LRFN2: variants seen among roughly 807,000 people sequenced by gnomAD.
LRFN2 encodes leucine-rich repeat and fibronectin type-III domain-containing protein 2.
Under a neutral mutation model 37.3 loss-of-function variants are expected in LRFN2, and 18 were observed. The observed-to-expected ratio is 0.48, with a 90% CI of 0.33 to 0.72. The LOEUF is 0.72. Ranked by LOEUF, LRFN2 falls within the 30% of genes least tolerant of loss-of-function variation. LRFN2 has a pLI of 0.02. For synonymous variants in LRFN2, 556 were observed against 466.6 expected (o/e 1.19, Z -2.47); for missense variants, 1,006 against 1,060.7 (o/e 0.95, Z 0.72).
chr6:40,586,021 G>A (rs1561917322), intron 1 of LRFN2, among the ~76,000 whole-genome samples: 2 of 152,164 alleles, frequency 1.3e-5, no homozygotes, highest in Non-Finnish European at 2.9e-5. Context: ...TTTGGCAACA[G>A]TCTGGCTCAG....
intron 1 of LRFN2, among the ~76,000 whole-genome samples, chr6:40,510,422 T>C (rs1290159223): frequency 1.3e-5 from 2 of 152,236 alleles, no homozygotes; most frequent in Non-Finnish European, 2.9e-5. Context: ...GTCTTTTTCC[T>C]GGTTCATGAA....
At chr6:40,402,804 A>G (rs1278777521) in intron 2 of LRFN2, among the ~76,000 whole-genome samples, 1 of 152,208 alleles carries the variant, frequency 6.6e-6, no homozygotes, top group Non-Finnish European at 1.5e-5. Flanking sequence ...CTGGGCTCAC[A>G]TAGCTAATTA....
intron 1 of LRFN2, among the ~76,000 whole-genome samples, chr6:40,538,737 C>T (rs532506023): frequency 1.4e-4 from 22 of 152,380 alleles, no homozygotes; most frequent in African/African-American, 5.0e-4. Context: ...CAGCCCCTCT[C>T]CACCTGCCCC....
rs1310268022 is a variant in LRFN2, at chr6:40,392,106, C to T, written c.2207G>A (p.Gly736Glu). ...AGGACTGTAGCCGCCCGGCACGACCCCTCCCGCCGCCGCAGCAGCAAAGTC... is the reference window on the plus strand; with the variant it reads ...AGGACTGTAGCCGCCCGGCACGACCTCTCCCGCCGCCGCAGCAGCAAAGTC... Reference protein sequence around the residue: ...MGDFAAAAAGGVVPGGYSPPR... With the variant: ...MGDFAAAAAGEVVPGGYSPPR... The change falls in exon 3 of 3, where the codon GGG (glycine) becomes GAG (glutamate). Residue 736 changes from glycine to glutamate, a missense_variant. By Grantham distance (98) the Gly-to-Glu change is moderately conservative. Coordinates refer to ENST00000338305, the MANE Select transcript of LRFN2 (RefSeq NM_020737.3). This position sits in a 1 kb window ranked among gnomAD's most constrained non-coding sequence, Gnocchi z 4.7. 1 of 1,613,112 alleles carries T rather than the reference C, an allele frequency of 6.2e-7. No individual in the cohort carries two copies. Among genetic ancestry groups the T allele is most frequent in the East Asian group, 2.2e-5 (1 of 44,852 alleles).
intron 1 of LRFN2, among the ~76,000 whole-genome samples, chr6:40,445,840 A>T (rs927466808): frequency 6.6e-6 from 1 of 152,058 alleles, no homozygotes; most frequent in East Asian, 1.9e-4. Context: ...ACCTCTCAAT[A>T]CCTCAGTTTC....
Position 40,431,855 on chromosome 6 carries a change from C to G in LRFN2, c.1259G>C (p.Ser420Thr). ...GGSGGGEPPKSPPERAVLVSE... is the reference protein window; with the variant it reads ...GGSGGGEPPKTPPERAVLVSE... ...CACAAGCACAGCCCGTTCCGGGGGG[C>G]TTTTGGGAGGCTCTCCGCCCCCACT... is the stretch of plus-strand genomic sequence containing the variant. Residue 420 changes from serine (S) to threonine (T), a missense_variant, in exon 2 of 3, where the codon AGC becomes ACC. Ser to Thr is a moderately conservative substitution (Grantham distance 58). This residue lies in a region of LRFN2 where 303 missense variants were observed against 299.8 expected (regional missense o/e 1.01). Coordinates refer to ENST00000338305, the MANE Select transcript of LRFN2 (RefSeq NM_020737.3). 3.8e-6 allele frequency: 6 copies of G among 1,590,190 alleles called. No individual in the cohort carries two copies. The highest frequency in any genetic ancestry group is 5.1e-6 in the Non-Finnish European group (6 of 1,166,646).
intron 1 of LRFN2, among the ~76,000 whole-genome samples, chr6:40,522,913 G>A (rs1442459668): frequency 1.3e-5 from 2 of 152,186 alleles, no homozygotes; most frequent in African/African-American, 4.8e-5. Context: ...TAAGGTGCAG[G>A]GCCTGCAGTG....
At chr6:40,478,364 T>C (rs1292220310) in intron 1 of LRFN2, among the ~76,000 whole-genome samples, 3 of 152,256 alleles carry the variant, frequency 2.0e-5, no homozygotes, top group Non-Finnish European at 4.4e-5. Context: ...CCACCATGGT[T>C]AATATTTGTA....
chr6:40,520,780 G>T (rs1766039076), intron 1 of LRFN2, among the ~76,000 whole-genome samples: 1 of 152,166 alleles, frequency 6.6e-6, no homozygotes, highest in South Asian at 2.1e-4. Context: ...GGCCTGGCTA[G>T]CCAGCCCCTT....
intron 2 of LRFN2, among the ~76,000 whole-genome samples, chr6:40,415,131 CAG>C (rs1182088122): frequency 6.6e-6 from 1 of 152,210 alleles, no homozygotes; most frequent in Non-Finnish European, 1.5e-5. Context: ...CTTTCTGCTC[CAG>C]AGACAGAAAA....
chr6:40,553,930 A>T (rs1017478950), intron 1 of LRFN2, among the ~76,000 whole-genome samples: 5 of 152,136 alleles, frequency 3.3e-5, no homozygotes, highest in Non-Finnish European at 2.9e-5. Flanking sequence ...ATGTCCTTCC[A>T]GCCATGAATA....
intron 1 of LRFN2, among the ~76,000 whole-genome samples, chr6:40,520,355 C>T (rs953216492): frequency 6.6e-6 from 1 of 152,034 alleles, no homozygotes; most frequent in Non-Finnish European, 1.5e-5. Context: ...GGGGAGCAAG[C>T]ATGACACTCT....
intron 1 of LRFN2, among the ~76,000 whole-genome samples, chr6:40,516,813 C>A (rs1326409477): frequency 6.6e-6 from 1 of 152,122 alleles, no homozygotes; most frequent in Non-Finnish European, 1.5e-5. Flanking sequence ...GCTATGTCAC[C>A]TTAGAAATAC....
At position 40,574,438 on chromosome 6, in the gene LRFN2, C is replaced by T. The variant is rs534067382; in HGVS notation, c.-19+12503G>A. Among the ~76,000 whole-genome samples, 3 of 152,058 alleles carry T rather than the reference C, an allele frequency of 2.0e-5. No homozygotes were observed. In the East Asian group the frequency reaches 5.8e-4, roughly 30 times the overall value. On this transcript the variant is annotated intron_variant, in intron 1 of 2. Transcript: ENST00000338305. Reference sequence around the variant, plus strand: ...GAATTCCTCTCACATATCAACTGCTCATCAAGTAGCAGCTGTTAATAAGAA... The same window carrying T: ...GAATTCCTCTCACATATCAACTGCTTATCAAGTAGCAGCTGTTAATAAGAA...
At chr6:40,458,968 A>G (rs1764289079) in intron 1 of LRFN2, among the ~76,000 whole-genome samples, 1 of 152,248 alleles carries the variant, frequency 6.6e-6, no homozygotes, top group Non-Finnish European at 1.5e-5. Flanking sequence ...TTCTCTTTTC[A>G]GACTCTTTGT....
chr6:40,470,166 A>G (rs759759494), intron 1 of LRFN2, among the ~76,000 whole-genome samples: 13 of 152,206 alleles, frequency 8.5e-5, no homozygotes, highest in Non-Finnish European at 1.9e-4. Context: ...TGCCAAGCCA[A>G]CATGGCTCCC....
intron 1 of LRFN2, among the ~76,000 whole-genome samples, chr6:40,465,968 A>C (rs569312832): frequency 1.3e-5 from 2 of 152,274 alleles, no homozygotes; most frequent in South Asian, 4.2e-4. Flanking sequence ...AGTAGTGGTG[A>C]CAGAAGGCAA....
chr6:40,513,855 G>A (rs1357201405), intron 1 of LRFN2, among the ~76,000 whole-genome samples: 1 of 151,386 alleles, frequency 6.6e-6, no homozygotes, highest in East Asian at 2.0e-4. Context: ...AAAAGTGAGT[G>A]GGAGCCCACC....
chr6:40,443,596 CAG>C (rs1485547504), intron 1 of LRFN2, among the ~76,000 whole-genome samples: 2 of 152,162 alleles, frequency 1.3e-5, no homozygotes, highest in Non-Finnish European at 2.9e-5. Flanking sequence ...GCAAATGGAG[CAG>C]AGTCTCCCTG....
Sources: allele counts gnomAD v4.1 joint callset (sites outside exome capture counted in the v4.1 genomes callset), GRCh38; gene constraint gnomAD v4.1.1; regional missense constraint gnomAD v4.1.1; non-coding constraint Gnocchi (gnomAD v3.1); transcripts MANE v1.5; gene names NCBI Gene and HGNC (gene_info 2026-07-23, HGNC 2026-07-21).